RTF1: variants seen among roughly 807,000 people sequenced by gnomAD.
RTF1 encodes the protein RTF1 homolog, Paf1/RNA polymerase II complex component, also known as RNA polymerase-associated protein RTF1 homolog.
In RTF1, 10 loss-of-function variants were observed where a neutral mutation model predicts 95.7. The observed-to-expected ratio is 0.10, with a 90% CI of 0.06 to 0.18. RTF1 has a LOEUF of 0.18. Ranked by LOEUF, RTF1 falls within the 10% of genes least tolerant of loss-of-function variation. RTF1 has a pLI of 1.00. For missense variants in RTF1, 458 were observed against 875.6 expected (o/e 0.52, Z 6.02); for synonymous variants, 305 against 311.8 (o/e 0.98, Z 0.23).
intron 1 of RTF1, among the ~76,000 whole-genome samples, chr15:41,425,134 G>A (rs1032642816): frequency 3.3e-5 from 5 of 152,008 alleles, no homozygotes; most frequent in Admixed American, 1.3e-4. Context: ...ACGGAGTCTC[G>A]CTCTTTTGCC....
At chr15:41,450,213 T>C (rs1263938911) in intron 2 of RTF1, among the ~76,000 whole-genome samples, 1 of 151,918 alleles carries the variant, frequency 6.6e-6, no homozygotes, top group African/African-American at 2.4e-5. Flanking sequence ...AAAAATAAAA[T>C]GAAATAAAAC....
At chr15:41,428,068 T>C (rs985948913) in intron 1 of RTF1, among the ~76,000 whole-genome samples, 1 of 151,754 alleles carries the variant, frequency 6.6e-6, no homozygotes, top group Non-Finnish European at 1.5e-5. Context: ...ATTACAGGCA[T>C]GAGCCACCAT....
rs114422723 is a variant in RTF1 at position 41,481,110 on chromosome 15, G to C, written c.*423G>C. On this transcript the variant is annotated 3_prime_UTR_variant, in exon 18 of 18. Coordinates refer to ENST00000389629, the MANE Select transcript of RTF1 (RefSeq NM_015138.5). ...GCCTTGGCCCACCCATTGAACATTC[G>C]GCACGTGACCTTGTGGGGGGAGCGG... is the stretch of plus-strand genomic sequence containing the variant. 6.3e-6 allele frequency: 1 copy of C among 157,684 alleles called. No homozygotes were observed. The highest frequency in any genetic ancestry group is 2.4e-5 in the African/African-American group (1 of 41,558). The allele number at this position is 157,684 out of a possible 1,614,324, so 9.8% of individuals were successfully genotyped here.
At chr15:41,438,252 G>A in intron 1 of RTF1, 69 bp from the exon 2 acceptor site, 2 of 1,028,940 alleles carry the variant, frequency 1.9e-6, no homozygotes, top group Non-Finnish European at 2.9e-6. Flanking sequence ...GAGAGGGTGG[G>A]CATTTTATTA....
intron 2 of RTF1, among the ~76,000 whole-genome samples, chr15:41,449,926 G>A: frequency 6.6e-6 from 1 of 152,086 alleles, no homozygotes; most frequent in East Asian, 1.9e-4. Flanking sequence ...GCTGGGCGCA[G>A]TGGTTCATGC....
intron 8 of RTF1, among the ~76,000 whole-genome samples, chr15:41,473,775 T>C (rs1420396428): frequency 6.7e-6 from 1 of 149,324 alleles, no homozygotes; most frequent in Non-Finnish European, 1.5e-5. Context: ...CTGGGCGCAG[T>C]GGCTCACGCC....
intron 2 of RTF1, among the ~76,000 whole-genome samples, chr15:41,449,573 G>A (rs1214330521): frequency 6.6e-6 from 1 of 151,902 alleles, no homozygotes; most frequent in Admixed American, 6.6e-5. Context: ...CAACTCCTGT[G>A]TTCAAGTGAT....
intron 1 of RTF1, among the ~76,000 whole-genome samples, chr15:41,437,035 C>CGGT (rs2050707378): frequency 6.6e-6 from 1 of 151,770 alleles, no homozygotes; most frequent in Admixed American, 6.6e-5. Context: ...TGCAGTAAGC[C>CGGT]GAGATCTCGC....
chr15:41,434,691 G>T (rs566093302), intron 1 of RTF1, among the ~76,000 whole-genome samples: 5 of 150,756 alleles, frequency 3.3e-5, no homozygotes, highest in Non-Finnish European at 5.9e-5. Context: ...GCAGTGATGC[G>T]ATCTCTGCTC....
chr15:41,424,998 G>A (rs761092196), intron 1 of RTF1, among the ~76,000 whole-genome samples: 7 of 150,458 alleles, frequency 4.7e-5, no homozygotes, highest in Non-Finnish European at 1.0e-4. Context: ...GAGAGACTCC[G>A]TCTAAAAAAA....
intron 2 of RTF1, among the ~76,000 whole-genome samples, chr15:41,450,545 A>C (rs1038976049): frequency 2.0e-5 from 3 of 151,580 alleles, no homozygotes; most frequent in African/African-American, 7.3e-5. Context: ...AGATTGCACC[A>C]CTGCACTCCA....
At chr15:41,470,074 G>A (rs746295206) in intron 6 of RTF1, among the ~76,000 whole-genome samples, 183 bp from the exon 7 acceptor site, 4 of 152,012 alleles carry the variant, frequency 2.6e-5, no homozygotes, top group East Asian at 1.9e-4. Flanking sequence ...CTGACATTTG[G>A]CACCTGAATA....
At chr15:41,434,074 A>G (rs2050689620) in intron 1 of RTF1, among the ~76,000 whole-genome samples, 2 of 151,020 alleles carry the variant, frequency 1.3e-5, no homozygotes, top group Admixed American at 6.6e-5. Context: ...CGAACTCCCA[A>G]CCTCAGGTGA....
chr15:41,451,030 G>A (rs929904064), intron 2 of RTF1, among the ~76,000 whole-genome samples: 1 of 152,066 alleles, frequency 6.6e-6, no homozygotes, highest in Non-Finnish European at 1.5e-5. Context: ...TTGTTCTTAA[G>A]AATAGCTCAT....
At chr15:41,473,082 G>C (rs911158505) in intron 8 of RTF1, among the ~76,000 whole-genome samples, 1 of 152,158 alleles carries the variant, frequency 6.6e-6, no homozygotes, top group Non-Finnish European at 1.5e-5. Context: ...CGGGCCTCAA[G>C]TGATGTTCTG....
chr15:41,471,108 A>G (rs2050909302), intron 7 of RTF1, 64 bp from the exon 8 acceptor site: 2 of 1,466,640 alleles, frequency 1.4e-6, no homozygotes, highest in Non-Finnish European at 1.8e-6. Flanking sequence ...AGTTGATATT[A>G]TTTTTCTGTC....
At chr15:41,468,212 A>G (rs2050890268) in intron 6 of RTF1, among the ~76,000 whole-genome samples, 1 of 150,140 alleles carries the variant, frequency 6.7e-6, no homozygotes, top group Non-Finnish European at 1.5e-5. Context: ...CCTAGTAGCC[A>G]CTGATGGTCA....
chr15:41,448,885 T>A (rs1358601376), intron 2 of RTF1: 1 of 151,860 alleles, frequency 6.6e-6, no homozygotes, highest in Non-Finnish European at 1.5e-5. Context: ...TAAATTAAAT[T>A]AATTAATTTA....
chr15:41,478,468 G>T (rs2050953662), intron 14 of RTF1, 80 bp from the exon 15 acceptor site: 5 of 953,052 alleles, frequency 5.2e-6, no homozygotes, highest in East Asian at 5.0e-5. Flanking sequence ...CCCGTGCAAA[G>T]ACTTATTTGC....
Sources: gnomAD v4.1 joint callset for allele counts (sites outside exome capture counted in the v4.1 genomes callset) on GRCh38, gnomAD v4.1.1 for gene constraint, MANE v1.5 for transcripts, NCBI Gene and HGNC (gene_info 2026-07-23, HGNC 2026-07-21) for gene names.